The following SUMF1 variants were observed in gnomAD, a reference collection of about 807,000 sequenced individuals.
SUMF1 encodes formylglycine-generating enzyme.
SUMF1 carries 48 observed loss-of-function variants against 47.6 expected under a neutral mutation model. The observed-to-expected ratio is 1.01, with a 90% CI of 0.80 to 1.28. SUMF1 has a LOEUF of 1.28. SUMF1 is among the 50% of genes most tolerant of loss of function. The pLI, the probability that SUMF1 is intolerant of heterozygous loss-of-function variation, is 0.00. For missense variants in SUMF1, 571 were observed against 485.4 expected, an observed-to-expected ratio of 1.18 and a Z score of -1.66; for synonymous variants, 230 against 192.1, an observed-to-expected ratio of 1.20 and a Z score of -1.63.
intron 7 of SUMF1, among the ~76,000 whole-genome samples, chr3:4,380,715 G>A (rs17040583): frequency 1.3e-5 from 2 of 151,986 alleles, no homozygotes; most frequent in African/African-American, 4.8e-5. Flanking sequence ...CCATAGACAC[G>A]AAAATATCAA....
chr3:4,246,448 C>T (rs1018593147), intron 8 of SUMF1, among the ~76,000 whole-genome samples: 31 of 152,108 alleles, frequency 2.0e-4, no homozygotes, highest in African/African-American at 7.5e-4. Flanking sequence ...GTTGCCCAGG[C>T]TGGAGTACAG....
chr3:4,326,849 A>T (rs1256009617), intron 8 of SUMF1, among the ~76,000 whole-genome samples: 1 of 152,086 alleles, frequency 6.6e-6, no homozygotes, highest in Non-Finnish European at 1.5e-5. Flanking sequence ...GCTCTCTAAC[A>T]TCATCTCAAT....
At chr3:4,344,850 G>A (rs929529138) in intron 8 of SUMF1, among the ~76,000 whole-genome samples, 1 of 152,052 alleles carries the variant, frequency 6.6e-6, no homozygotes, top group Admixed American at 6.5e-5. Context: ...CAACTTGATG[G>A]AGCTGAAAAA....
intron 3 of SUMF1, among the ~76,000 whole-genome samples, chr3:4,421,711 G>A (rs1174163531): frequency 6.6e-6 from 1 of 152,040 alleles, no homozygotes; most frequent in Non-Finnish European, 1.5e-5. Context: ...TTGAACTACT[G>A]GGCTCCAGTG....
At chr3:4,080,737 T>C (rs1349858609) in intron 8 of SUMF1, among the ~76,000 whole-genome samples, 1 of 152,122 alleles carries the variant, frequency 6.6e-6, no homozygotes, top group Admixed American at 6.6e-5. Flanking sequence ...CTAGATAATT[T>C]TGTATAAATA....
At chr3:4,349,634 C>A (rs1699445393) in intron 8 of SUMF1, among the ~76,000 whole-genome samples, 1 of 152,168 alleles carries the variant, frequency 6.6e-6, no homozygotes, top group African/African-American at 2.4e-5. Flanking sequence ...TACATATACA[C>A]CATGGAATAC....
intron 8 of SUMF1, among the ~76,000 whole-genome samples, chr3:4,157,638 A>T (rs1694485066): frequency 1.3e-5 from 2 of 151,442 alleles, no homozygotes; most frequent in Admixed American, 1.3e-4. Context: ...TCTTCTCTCT[A>T]ATCATCAGAG....
chr3:4,296,759 C>G (rs899426843), intron 8 of SUMF1, among the ~76,000 whole-genome samples: 1 of 151,914 alleles, frequency 6.6e-6, no homozygotes. Flanking sequence ...GCTAATTATC[C>G]AACCCACACT....
At chr3:4,293,431 C>G (rs1009233356) in intron 8 of SUMF1, among the ~76,000 whole-genome samples, 1 of 152,148 alleles carries the variant, frequency 6.6e-6, no homozygotes, top group Non-Finnish European at 1.5e-5. Context: ...TTGTTGCCTC[C>G]ATTCACTTAT....
chr3:4,158,429 A>G (rs959480398), intron 8 of SUMF1, among the ~76,000 whole-genome samples: 1 of 151,580 alleles, frequency 6.6e-6, no homozygotes, highest in African/African-American at 2.4e-5. Context: ...TTCTGCAGTC[A>G]TTGGATAAAA....
intron 8 of SUMF1, among the ~76,000 whole-genome samples, chr3:4,234,507 C>G (rs1696367379): frequency 3.3e-5 from 5 of 152,076 alleles, no homozygotes. Flanking sequence ...ATTCACGTAT[C>G]CATTCAACTA....
intron 3 of SUMF1, among the ~76,000 whole-genome samples, chr3:4,437,803 G>A (rs564690027): frequency 2.6e-5 from 4 of 152,206 alleles, no homozygotes; most frequent in African/African-American, 9.6e-5. Flanking sequence ...GCTGGGCGTG[G>A]TGGTGCACTC....
At chr3:4,135,053 G>C (rs1048445349) in intron 8 of SUMF1, among the ~76,000 whole-genome samples, 1 of 152,110 alleles carries the variant, frequency 6.6e-6, no homozygotes, top group Non-Finnish European at 1.5e-5. Flanking sequence ...ACACGGAGGA[G>C]CTGGTACCAT....
chr3:4,192,159 TAGGCACAGTA>T (rs899442489), intron 8 of SUMF1, among the ~76,000 whole-genome samples: 1 of 152,098 alleles, frequency 6.6e-6, no homozygotes, highest in Non-Finnish European at 1.5e-5. Flanking sequence ...CTGAGGTTTC[TAGGCACAGTA>T]AGGCAGGGAG....
At chr3:4,230,925 C>T (rs1205554074) in intron 8 of SUMF1, among the ~76,000 whole-genome samples, 1 of 152,062 alleles carries the variant, frequency 6.6e-6, no homozygotes, top group Non-Finnish European at 1.5e-5. Context: ...CCAAAAGTTA[C>T]CTTACCACAA....
intron 8 of SUMF1, among the ~76,000 whole-genome samples, chr3:4,274,131 C>T (rs1427188641): frequency 6.6e-6 from 1 of 152,060 alleles, no homozygotes; most frequent in Non-Finnish European, 1.5e-5. Flanking sequence ...AAACAAACCA[C>T]TCTAAGATAT....
At chr3:4,382,509 TG>T (rs1345530369) in intron 7 of SUMF1, among the ~76,000 whole-genome samples, 1 of 152,222 alleles carries the variant, frequency 6.6e-6, no homozygotes, top group Non-Finnish European at 1.5e-5. Context: ...AGATCATTTG[TG>T]GTGATTCCTC....
At chr3:4,165,910 G>T (rs1255258403) in intron 8 of SUMF1, among the ~76,000 whole-genome samples, 3 of 143,318 alleles carry the variant, frequency 2.1e-5, no homozygotes, top group African/African-American at 7.9e-5. Flanking sequence ...GGACCCTGCT[G>T]ATCAGAATAG....
intron 8 of SUMF1, among the ~76,000 whole-genome samples, chr3:4,248,283 C>A (rs539387540): frequency 3.2e-4 from 49 of 152,206 alleles, no homozygotes; most frequent in African/African-American, 1.1e-3. Flanking sequence ...GCATGCCAGT[C>A]ATGAAAGGAA....
Sources: allele counts gnomAD v4.1 joint callset (sites outside exome capture counted in the v4.1 genomes callset), GRCh38; gene constraint gnomAD v4.1.1; transcripts MANE v1.5; gene names NCBI Gene and HGNC (gene_info 2026-07-23, HGNC 2026-07-21).